Variants in CALCRL observed in about 807,000 individuals in gnomAD.
CALCRL encodes the protein calcitonin receptor like receptor, also known as calcitonin gene-related peptide type 1 receptor.
A neutral mutation model predicts 60.4 loss-of-function variants in CALCRL; 27 were observed. That is an observed-to-expected ratio of 0.45 (90% CI 0.33 to 0.62). The LOEUF (loss-of-function observed/expected upper bound fraction) is 0.62. CALCRL is among the 20% of genes least tolerant of loss of function. The pLI, the probability that CALCRL is intolerant of heterozygous loss-of-function variation, is 0.03. For missense variants in CALCRL, 424 were observed against 540.7 expected (o/e 0.78, Z 2.14); for synonymous variants, 190 against 182.6 (o/e 1.04, Z -0.33).
chr2:187,411,230 C>CT (rs1295858099), intron 1 of CALCRL, among the ~76,000 whole-genome samples: 1 of 151,744 alleles, frequency 6.6e-6, no homozygotes, highest in Non-Finnish European at 1.5e-5. Flanking sequence ...AATATAAACT[C>CT]TATCAAAAGT....
chr2:187,358,246 C>G (rs1307859653), intron 12 of CALCRL, among the ~76,000 whole-genome samples: 1 of 151,998 alleles, frequency 6.6e-6, no homozygotes, highest in Non-Finnish European at 1.5e-5. Context: ...GTCTTAGCTT[C>G]TCAAGAGCCT....
rs899117372 is a variant in CALCRL, at chr2:187,381,705, C to T, written c.185-918G>A. ...TCTTGACCTCTTGATCCGCCCTCCT[C>T]GGCCTCCCAAAGTGCTGAGATTACA... On this transcript the variant is annotated intron_variant, in intron 5 of 14. Transcript: ENST00000392370. 3.3e-5 allele frequency among the ~76,000 whole-genome samples: 5 copies of T among 152,248 alleles called. 1 individual carries two copies. Among genetic ancestry groups the T allele is most frequent in the Admixed American group, 3.3e-4 (5 of 15,302 alleles).
At chr2:187,413,928 G>C (rs1689474779) in intron 1 of CALCRL, among the ~76,000 whole-genome samples, 1 of 152,074 alleles carries the variant, frequency 6.6e-6, no homozygotes, top group Non-Finnish European at 1.5e-5. Context: ...TGTAACTTGG[G>C]CAAATTATTT....
intron 1 of CALCRL, among the ~76,000 whole-genome samples, chr2:187,419,023 A>ATTTT (rs33929530): frequency 2.8e-4 from 24 of 85,992 alleles, no homozygotes; most frequent in African/African-American, 7.6e-4. Flanking sequence ...CGTCTGGCTA[A>ATTTT]TTTTTTTTTT....
At chr2:187,432,632 T>G (rs1216929503) in intron 1 of CALCRL, among the ~76,000 whole-genome samples, 2 of 152,116 alleles carry the variant, frequency 1.3e-5, no homozygotes, top group Non-Finnish European at 2.9e-5. Context: ...CTTCATGTGT[T>G]TTTAAAACAT....
intron 4 of CALCRL, among the ~76,000 whole-genome samples, chr2:187,384,512 G>A (rs1309433494): frequency 1.3e-5 from 2 of 152,132 alleles, no homozygotes; most frequent in Non-Finnish European, 2.9e-5. Context: ...GGAAAGTAAT[G>A]TTCTATGCAG....
chr2:187,445,578 A>G (rs1912848), intron 1 of CALCRL, among the ~76,000 whole-genome samples: 51,908 of 151,250 alleles, frequency 0.34, 9,481 homozygotes, highest in African/African-American at 0.46. Context: ...AATGTTTCCA[A>G]ATATGATCTA....
At chr2:187,411,665 C>T (rs534635976) in intron 1 of CALCRL, among the ~76,000 whole-genome samples, 1 of 151,974 alleles carries the variant, frequency 6.6e-6, no homozygotes, top group Non-Finnish European at 1.5e-5. Flanking sequence ...GGTATTGTGA[C>T]AGAGACAGGA....
chr2:187,360,506 C>G (rs1317287040), intron 10 of CALCRL, 92 bp downstream of exon 10: 2 of 1,041,020 alleles, frequency 1.9e-6, no homozygotes, highest in African/African-American at 3.2e-5. Context: ...AAAATGATTA[C>G]TCATTGGTAT....
chr2:187,357,926 A>G (rs1396182419), intron 12 of CALCRL, among the ~76,000 whole-genome samples: 1 of 152,102 alleles, frequency 6.6e-6, no homozygotes, highest in Non-Finnish European at 1.5e-5. Flanking sequence ...GTATCCCAGA[A>G]CTTAAAGTAT....
In CALCRL at chr2:187,352,341, G is replaced by A. The variant is rs775455130; in HGVS notation, c.910-9C>T. On this transcript the variant is annotated splice_polypyrimidine_tract_variant and intron_variant, in intron 12 of 14. Transcript: ENST00000392370. ...AAGAAAAAAAGATTCACCTAAAAAC[G>A]AAATTAAATGGCATCTGAAAATCAT... is the stretch of plus-strand genomic sequence containing the variant. 1.3e-5 allele frequency: 19 copies of A among 1,480,370 alleles called. No individual in the cohort carries two copies. The highest frequency in any genetic ancestry group is 5.8e-5 in the South Asian group (5 of 86,870). 91.7% of individuals were successfully genotyped at this position (1,480,370 alleles called of 1,614,324 possible).
Position 187,342,346 on chromosome 2 carries a change from T to C in CALCRL, c.*3838A>G, listed in dbSNP as rs1011461512. Among the ~76,000 whole-genome samples, 4 of 151,762 alleles carry C rather than the reference T, an allele frequency of 2.6e-5. No individual in the cohort carries two copies. The highest frequency in any genetic ancestry group is 5.9e-5 in the Non-Finnish European group (4 of 67,708). On this transcript the variant is annotated 3_prime_UTR_variant, in exon 15 of 15. Coordinates refer to ENST00000392370, the MANE Select transcript of CALCRL (RefSeq NM_005795.6). ...ATGGTAGCGTGTCTCTATGGATGTA[T>C]TAAAATATACTCTACTAATATACTA...
At chr2:187,445,756 A>G (rs2105917737) in intron 1 of CALCRL, among the ~76,000 whole-genome samples, 1 of 151,670 alleles carries the variant, frequency 6.6e-6, no homozygotes, top group South Asian at 2.1e-4. Flanking sequence ...AAAAAATAGT[A>G]TAATATGTGC....
chr2:187,438,861 G>A (rs1345357893), intron 1 of CALCRL, among the ~76,000 whole-genome samples: 2 of 151,998 alleles, frequency 1.3e-5, no homozygotes, highest in Non-Finnish European at 2.9e-5. Context: ...TACATATTAG[G>A]TTGAAGTAAG....
intron 1 of CALCRL, among the ~76,000 whole-genome samples, chr2:187,435,119 A>G (rs1391841028): frequency 1.3e-5 from 2 of 152,198 alleles, no homozygotes; most frequent in African/African-American, 4.8e-5. Context: ...GTTTTGCTAT[A>G]AAGAAATACC....
chr2:187,373,898 T>C (rs1320964211), intron 8 of CALCRL, among the ~76,000 whole-genome samples: 1 of 152,192 alleles, frequency 6.6e-6, no homozygotes. Context: ...CAGTGGCTCA[T>C]GCTTGTAATC....
chr2:187,413,732 C>G (rs1689466632), intron 1 of CALCRL, among the ~76,000 whole-genome samples: 2 of 152,110 alleles, frequency 1.3e-5, no homozygotes, highest in Admixed American at 1.3e-4. Context: ...ATTTATATTT[C>G]AGTAGATGTA....
chr2:187,435,694 G>C (rs1690606617), intron 1 of CALCRL, among the ~76,000 whole-genome samples: 1 of 152,056 alleles, frequency 6.6e-6, no homozygotes, highest in African/African-American at 2.4e-5. Flanking sequence ...AAGGTCAAGG[G>C]ATCTGGATCG....
chr2:187,359,144 A>G lies in CALCRL; in HGVS notation c.843-15T>C. 1 of 1,609,902 alleles carries G rather than the reference A, an allele frequency of 6.2e-7. No individual in the cohort carries two copies. Among genetic ancestry groups the G allele is most frequent in the Non-Finnish European group, 8.5e-7 (1 of 1,176,670 alleles). ...TGATCCAGCAACTAGAGAAAACATA[A>G]TAACATTATGTTGAAAATTTTTATT... On this transcript the variant is annotated splice_polypyrimidine_tract_variant and intron_variant, in intron 11 of 14. Transcript: ENST00000392370.
Sources: gnomAD v4.1 joint callset for allele counts (sites outside exome capture counted in the v4.1 genomes callset) on GRCh38, gnomAD v4.1.1 for gene constraint, MANE v1.5 for transcripts, NCBI Gene and HGNC (gene_info 2026-07-23, HGNC 2026-07-21) for gene names.